ZPBP: variants seen among roughly 807,000 people sequenced by gnomAD.
ZPBP encodes zona pellucida-binding protein 1.
In ZPBP, 26 loss-of-function variants were observed where a neutral mutation model predicts 44.8. The observed-to-expected ratio is 0.58, with a 90% CI of 0.43 to 0.81. ZPBP has a LOEUF of 0.81. Ranked by LOEUF, ZPBP falls within the 30% of genes least tolerant of loss-of-function variation. ZPBP has a pLI of 0.00. For synonymous variants in ZPBP, 174 were observed against 153.2 expected (o/e 1.14, Z -1.00); for missense variants, 409 against 434.0 (o/e 0.94, Z 0.51).
downstream of ZPBP, among the ~76,000 whole-genome samples, chr7:49,848,333 G>C (rs561235256): frequency 6.6e-6 from 1 of 152,168 alleles, no homozygotes; most frequent in Non-Finnish European, 1.5e-5. Flanking sequence ...TCTCTCCTGT[G>C]GGGTAGCTCC....
chr7:49,844,392 C>T, the ZPBP span, among the ~76,000 whole-genome samples: 5 of 152,196 alleles, frequency 3.3e-5, no homozygotes, highest in African/African-American at 7.2e-5. Flanking sequence ...TCTGTCAGAA[C>T]GATCGGCTTT....
intron 7 of ZPBP, among the ~76,000 whole-genome samples, chr7:49,970,193 A>G (rs1447095176): frequency 2.0e-5 from 3 of 152,140 alleles, no homozygotes; most frequent in Non-Finnish European, 2.9e-5. Context: ...AAATCAAATA[A>G]TGATCTCAAT....
chr7:49,870,482 C>A (rs1791103605), intron 2 of ZPBP, among the ~76,000 whole-genome samples: 1 of 152,154 alleles, frequency 6.6e-6, no homozygotes, highest in Non-Finnish European at 1.5e-5. Context: ...ATTTTACCAA[C>A]CTGTAAGATT....
At chr7:49,937,755 G>C (rs1583873174) in intron 7 of ZPBP, 133 bp from the exon 8 acceptor site, 1 of 727,440 alleles carries the variant, frequency 1.4e-6, no homozygotes, top group Non-Finnish European at 2.3e-6. Flanking sequence ...CAAATCTGCA[G>C]AACTTTTTCA....
At chr7:50,071,828 G>A (rs1308440351) in intron 3 of ZPBP, among the ~76,000 whole-genome samples, 1 of 152,120 alleles carries the variant, frequency 6.6e-6, no homozygotes, top group Non-Finnish European at 1.5e-5. Context: ...TTCATCATCT[G>A]CTAACTGAAG....
At chr7:49,906,571 C>G (rs183954288) in intron 1 of ZPBP, among the ~76,000 whole-genome samples, 8 of 152,292 alleles carry the variant, frequency 5.3e-5, no homozygotes, top group African/African-American at 1.9e-4. Context: ...CTCCTGACCT[C>G]GTGATCCACC....
At chr7:49,993,150 G>A (rs1019639853) in intron 6 of ZPBP, among the ~76,000 whole-genome samples, 3 of 151,456 alleles carry the variant, frequency 2.0e-5, no homozygotes, top group Non-Finnish European at 4.4e-5. Context: ...AGAAAAATAA[G>A]GTAAAAAAAG....
chr7:50,021,774 G>A (rs1321712674), intron 5 of ZPBP, among the ~76,000 whole-genome samples: 1 of 152,124 alleles, frequency 6.6e-6, no homozygotes, highest in Non-Finnish European at 1.5e-5. Flanking sequence ...GAGATACTGG[G>A]TGGTGGTGTG....
At chr7:49,845,482 T>TA (rs1279538469), downstream of ZPBP, among the ~76,000 whole-genome samples, 10 of 152,078 alleles carry the variant, frequency 6.6e-5, no homozygotes, top group Non-Finnish European at 1.3e-4. Context: ...AGTTCAACTG[T>TA]AAAAAACACT....
intron 4 of ZPBP, among the ~76,000 whole-genome samples, chr7:50,052,281 G>A (rs930827803): frequency 6.6e-6 from 1 of 151,912 alleles, no homozygotes; most frequent in African/African-American, 2.4e-5. Context: ...ATGAAAAAAT[G>A]GTCAAAAGAT....
At chr7:49,969,410 A>T (rs1796192092) in intron 7 of ZPBP, among the ~76,000 whole-genome samples, 1 of 151,114 alleles carries the variant, frequency 6.6e-6, no homozygotes, top group South Asian at 2.1e-4. Context: ...CAAAATATAC[A>T]ATCTTAATGA....
chr7:49,944,494 G>A (rs927377122), intron 7 of ZPBP: 2 of 158,366 alleles, frequency 1.3e-5, no homozygotes, highest in Admixed American at 6.5e-5. Flanking sequence ...TTGGGTAAAT[G>A]AATTCAGAAC....
In ZPBP at chr7:49,850,691, C is replaced by T. The variant is rs529801079; in HGVS notation, n.510-177G>A. Among the ~76,000 whole-genome samples, 29 of 152,368 alleles carry T rather than the reference C, an allele frequency of 1.9e-4. 1 individual carries two copies. In the South Asian group the frequency reaches 5.8e-3, roughly 30 times the overall value. ...CCATCTTCTGGAAAAAAGCCAGTGTCAGACAACTTGTGTTCATGTATTGGT... is the reference window on the plus strand; with the variant it reads ...CCATCTTCTGGAAAAAAGCCAGTGTTAGACAACTTGTGTTCATGTATTGGT... On this transcript the variant is annotated intron_variant and non_coding_transcript_variant, in intron 2 of 2. Coordinates refer to the ZPBP transcript ENST00000465922.
At chr7:50,030,013 G>T (rs1222666586) in intron 5 of ZPBP, among the ~76,000 whole-genome samples, 1 of 152,054 alleles carries the variant, frequency 6.6e-6, no homozygotes, top group Non-Finnish European at 1.5e-5. Context: ...ATGCCACCAG[G>T]CCCGGCTAAT....
At chr7:49,859,753 A>G (rs1790570660) in intron 2 of ZPBP, among the ~76,000 whole-genome samples, 1 of 151,920 alleles carries the variant, frequency 6.6e-6, no homozygotes, top group African/African-American at 2.4e-5. Flanking sequence ...ATTTCTCCCT[A>G]CAGATGTACT....
At chr7:50,061,115 T>G (rs972031590) in intron 3 of ZPBP, among the ~76,000 whole-genome samples, 1 of 152,154 alleles carries the variant, frequency 6.6e-6, no homozygotes, top group African/African-American at 2.4e-5. Flanking sequence ...TCAACCTCCC[T>G]TTATGTTAAA....
At position 50,050,788 on chromosome 7, in the gene ZPBP, CAA is replaced by C. The variant is rs751875216; in HGVS notation, c.487+7199_487+7200del. On this transcript the variant is annotated intron_variant, in intron 4 of 7. Coordinates refer to ENST00000046087, the MANE Select transcript of ZPBP (RefSeq NM_007009.3). ...TGGACGACAGAGCGAGACTCCGTCT[CAA>C]AAAAAAAAAAAAAAAAAAAAAAAAC... 1.5e-4 allele frequency among the ~76,000 whole-genome samples: 4 copies of C among 26,846 alleles called. No individual in the cohort carries two copies. In the Admixed American group the frequency reaches 1.5e-3, roughly 10 times the overall value. 17.6% of individuals were successfully genotyped at this position (26,846 alleles called of 152,430 possible).
chr7:49,955,046 T>C (rs1168660756), intron 7 of ZPBP, among the ~76,000 whole-genome samples: 1 of 152,138 alleles, frequency 6.6e-6, no homozygotes, highest in Non-Finnish European at 1.5e-5. Context: ...TGACCAGATA[T>C]ATGAAAGTTA....
intron 3 of ZPBP, among the ~76,000 whole-genome samples, chr7:50,078,679 A>G (rs955110976): frequency 6.6e-6 from 1 of 151,676 alleles, no homozygotes; most frequent in Admixed American, 6.6e-5. Flanking sequence ...CAAGACTCCA[A>G]AAGCAATTGC....
Sources: allele counts gnomAD v4.1 joint callset (sites outside exome capture counted in the v4.1 genomes callset), GRCh38; gene constraint gnomAD v4.1.1; transcripts MANE v1.5; gene names NCBI Gene and HGNC (gene_info 2026-07-23, HGNC 2026-07-21).